POLR3A: variants seen among roughly 807,000 people sequenced by gnomAD.
POLR3A encodes the protein RNA polymerase III subunit A.
POLR3A carries 112 observed loss-of-function variants against 152.8 expected under a neutral mutation model. The ratio of observed to expected loss-of-function variants is 0.73; its 90% confidence interval spans 0.63 to 0.86. The LOEUF is 0.86. POLR3A is among the 40% of genes least tolerant of loss of function. The pLI is 0.00. For synonymous variants in POLR3A, 615 were observed against 652.1 expected (o/e 0.94, Z 0.87); for missense variants, 1,385 against 1,743.1 (o/e 0.79, Z 3.66).
chr10:78,010,216 C>T (rs1847453229), intron 12 of POLR3A, among the ~76,000 whole-genome samples: 1 of 150,848 alleles, frequency 6.6e-6, no homozygotes, highest in African/African-American at 2.4e-5. Context: ...CTAAGCCAGA[C>T]ACTAGGTTTA....
intron 27 of POLR3A, among the ~76,000 whole-genome samples, 153 bp from the exon 28 acceptor site, chr10:77,982,471 C>T (rs1446891770): frequency 2.6e-5 from 4 of 152,178 alleles, no homozygotes; most frequent in Non-Finnish European, 5.9e-5. Flanking sequence ...CAGGGGACTG[C>T]ACCTCATCCT....
chr10:78,023,744 C>T (rs1227603695), intron 5 of POLR3A, among the ~76,000 whole-genome samples: 3 of 151,826 alleles, frequency 2.0e-5, no homozygotes, highest in Non-Finnish European at 4.4e-5. Flanking sequence ...TACCACTGCA[C>T]TCCAGCCTGG....
intron 18 of POLR3A, 33 bp downstream of exon 18, chr10:78,000,943 C>G (rs1193132713): frequency 9.1e-7 from 1 of 1,093,002 alleles, no homozygotes; most frequent in Admixed American, 1.7e-5. Flanking sequence ...ATTAAGAGAT[C>G]TTCACAGTTC....
Position 77,975,210 on chromosome 10 carries a change from C to T in POLR3A, c.*2268G>A, listed in dbSNP as rs1433763711. 1.6e-4 allele frequency: 25 copies of T among 152,156 alleles called. No homozygotes were observed. Among genetic ancestry groups the T allele is most frequent in the Non-Finnish European group, 1.5e-5 (1 of 68,038 alleles). 9.4% of individuals were successfully genotyped at this position (152,156 alleles called of 1,614,324 possible). On this transcript the variant is annotated 3_prime_UTR_variant, in exon 31 of 31. Coordinates refer to ENST00000372371, the MANE Select transcript of POLR3A (RefSeq NM_007055.4). ...GCAGGTACAGAGACTCAAATGTAAC[C>T]CTTTGAGCTCTCATGCTTGAGGATG...
At position 78,019,154 on chromosome 10, in the gene POLR3A, A is replaced by G; in HGVS notation, c.1289+8T>C. 6.3e-7 allele frequency: 1 copy of G among 1,598,946 alleles called. No individual in the cohort carries two copies. Among genetic ancestry groups the G allele is most frequent in the Non-Finnish European group, 8.6e-7 (1 of 1,166,198 alleles). ...TAGTTAAATCCAACTAGATTGGGAA[A>G]AGATTACCTTTTCATCTGCGTATGT... is the stretch of plus-strand genomic sequence containing the variant. On this transcript the variant is annotated splice_region_variant and intron_variant, in intron 9 of 30. Transcript: ENST00000372371.
At chr10:77,999,888 T>C (rs1421932834) in intron 19 of POLR3A, 93 bp downstream of exon 19, 1 of 1,260,740 alleles carries the variant, frequency 7.9e-7, no homozygotes, top group African/African-American at 1.5e-5. Context: ...ACTAGATAAA[T>C]TACAGCTCAT....
Position 77,985,155 on chromosome 10 carries a change from A to G in POLR3A, c.3242+15T>C. 3 of 1,608,728 alleles carry G rather than the reference A, an allele frequency of 1.9e-6. No individual in the cohort carries two copies. Among genetic ancestry groups the G allele is most frequent in the Non-Finnish European group, 2.6e-6 (3 of 1,174,996 alleles). ...ACAGGCATGTGTGGAACAAGAAGGA[A>G]ATGAAAGCAGGCACCTGATGGCCTT... On this transcript the variant is annotated intron_variant, in intron 24 of 30. Transcript: ENST00000372371.
At chr10:78,028,394 C>T (rs1847657932) in intron 1 of POLR3A, among the ~76,000 whole-genome samples, 1 of 152,208 alleles carries the variant, frequency 6.6e-6, no homozygotes. Flanking sequence ...CCAGTGTTGA[C>T]TTGTGTACCT....
intron 28 of POLR3A, 103 bp from the exon 29 acceptor site, chr10:77,981,662 C>A (rs1055419283): frequency 1.4e-6 from 2 of 1,401,806 alleles, no homozygotes; most frequent in African/African-American, 2.8e-5. Context: ...AAACCCTGTG[C>A]CGTTTTCCAG....
chr10:78,019,028 T>G, intron 9 of POLR3A, 134 bp downstream of exon 9: 1 of 730,386 alleles, frequency 1.4e-6, no homozygotes, highest in Non-Finnish European at 2.5e-6. Flanking sequence ...TCACGGAAAT[T>G]TAAACAGATA....
Position 78,019,216 on chromosome 10 carries a change from G to T in POLR3A, c.1235C>A (p.Pro412His). Residue 412 changes from proline (P) to histidine (H), a missense_variant, in exon 9 of 31, where the codon CCT becomes CAT. Physicochemically the swap from Pro to His is moderately conservative, Grantham distance 77 (BLOSUM62 -2). Around this residue, in one of 7 missense-constraint regions of POLR3A, gnomAD observed 493 missense variants for 647.5 expected, o/e 0.76. Transcript: ENST00000372371. ...NFLRKLVQNGPEVHPGANFIQ... is the reference protein window; with the variant it reads ...NFLRKLVQNGHEVHPGANFIQ... Reference sequence around the variant, plus strand: ...GAAGTTTGCTCCTGGGTGAACCTCAGGGCCGTTTTGAACCAGTTTCCTCAA... The same window carrying T: ...GAAGTTTGCTCCTGGGTGAACCTCATGGCCGTTTTGAACCAGTTTCCTCAA... The T allele has an allele frequency of 3.7e-6, 6 of 1,614,042 alleles. No individual in the cohort carries two copies. The highest frequency in any genetic ancestry group is 5.1e-6 in the Non-Finnish European group (6 of 1,180,004).
At position 78,022,396 on chromosome 10, in the gene POLR3A, A is replaced by G; in HGVS notation, c.646-12T>C. ...GGATTCAAGTTTTCCTATGGAAACG[A>G]AGAAAGGCAGAAATGGAGATACTAT... On this transcript the variant is annotated splice_polypyrimidine_tract_variant and intron_variant, in intron 5 of 30. Transcript: ENST00000372371. 1 of 1,612,982 alleles carries G rather than the reference A, an allele frequency of 6.2e-7. No individual in the cohort carries two copies. Among genetic ancestry groups the G allele is most frequent in the Non-Finnish European group, 8.5e-7 (1 of 1,179,962 alleles).
intron 20 of POLR3A, among the ~76,000 whole-genome samples, chr10:77,992,320 G>C (rs1847257037): frequency 6.6e-6 from 1 of 150,748 alleles, no homozygotes; most frequent in Admixed American, 6.6e-5. Flanking sequence ...CACCCAGGCT[G>C]GAATGTAGTG....
chr10:78,021,464 C>G, intron 8 of POLR3A, 82 bp downstream of exon 8: 1 of 1,428,044 alleles, frequency 7.0e-7, no homozygotes, highest in Non-Finnish European at 9.8e-7. Context: ...GGACTTTCTA[C>G]TGCCTGTTGT....
chr10:78,005,190 A>G (rs1847399129), intron 15 of POLR3A, among the ~76,000 whole-genome samples: 1 of 152,234 alleles, frequency 6.6e-6, no homozygotes, highest in Non-Finnish European at 1.5e-5. Context: ...GCAGAGTGAC[A>G]TTAAACACTA....
At chr10:77,990,070 C>T (rs1847233208) in intron 21 of POLR3A, among the ~76,000 whole-genome samples, 1 of 152,138 alleles carries the variant, frequency 6.6e-6, no homozygotes, top group Non-Finnish European at 1.5e-5. Flanking sequence ...TCTTCTTTGG[C>T]CTGCTGATCT....
chr10:77,986,244 T>C (rs1223677316), intron 21 of POLR3A, 85 bp from the exon 22 acceptor site: 3 of 803,822 alleles, frequency 3.7e-6, no homozygotes, highest in South Asian at 2.7e-5. Context: ...CAGTTGTATA[T>C]GACAAGTCCA....
rs757919852 is a variant in POLR3A, at chr10:78,024,963, C to G, written c.490+8G>C. Reference sequence around the variant, plus strand: ...GCTATTGCTTAGCCTTCTGTGCATTCCACTCACCATTAAAAGCGCCACAGT... The same window carrying G: ...GCTATTGCTTAGCCTTCTGTGCATTGCACTCACCATTAAAAGCGCCACAGT... On this transcript the variant is annotated splice_region_variant and intron_variant, in intron 4 of 30. Transcript: ENST00000372371. The G allele has an allele frequency of 3.1e-6, 5 of 1,613,850 alleles. No homozygotes were observed. In the African/African-American group the frequency reaches 6.7e-5, roughly 22 times the overall value.
At chr10:77,999,910 G>A in intron 19 of POLR3A, 71 bp downstream of exon 19, 1 of 1,436,796 alleles carries the variant, frequency 7.0e-7, no homozygotes, top group Non-Finnish European at 9.8e-7. Flanking sequence ...TGCAAAACGT[G>A]TACTCAATAG....
Sources: allele counts gnomAD v4.1 joint callset (sites outside exome capture counted in the v4.1 genomes callset), GRCh38; gene constraint gnomAD v4.1.1; regional missense constraint gnomAD v4.1.1; transcripts MANE v1.5; gene names NCBI Gene and HGNC (gene_info 2026-07-23, HGNC 2026-07-21).